The following CWC27 variants were observed in gnomAD, a reference collection of about 807,000 sequenced individuals.
CWC27 encodes CWC27 spliceosome associated cyclophilin.
CWC27 carries 47 observed loss-of-function variants against 63.6 expected under a neutral mutation model. That is an observed-to-expected ratio of 0.74 (90% CI 0.58 to 0.94). CWC27 has a LOEUF of 0.94. CWC27 is among the 40% of genes least tolerant of loss of function. The pLI, the probability that CWC27 is intolerant of heterozygous loss-of-function variation, is 0.00. For missense variants in CWC27, 495 were observed against 554.3 expected, an observed-to-expected ratio of 0.89 and a Z score of 1.07; for synonymous variants, 175 against 179.8, an observed-to-expected ratio of 0.97 and a Z score of 0.22.
intron 7 of CWC27, among the ~76,000 whole-genome samples, chr5:64,792,378 T>A (rs1455915665): frequency 6.6e-6 from 1 of 152,156 alleles, no homozygotes; most frequent in Non-Finnish European, 1.5e-5. Flanking sequence ...GATTTGCTGC[T>A]CTATATGTAT....
intron 10 of CWC27, among the ~76,000 whole-genome samples, chr5:64,811,022 C>G (rs982455246): frequency 3.9e-4 from 59 of 151,996 alleles, no homozygotes; most frequent in African/African-American, 1.3e-3. Context: ...AAATCAGTAT[C>G]TCTCAACCTT....
chr5:64,844,893 G>A, intron 10 of CWC27: 2 of 456,686 alleles, frequency 4.4e-6, no homozygotes, highest in South Asian at 3.1e-5. Flanking sequence ...TTTCTAAGGG[G>A]TACAGCTTCT....
In CWC27 at chr5:64,783,936, G is replaced by A. The variant is rs199984122; in HGVS notation, c.353G>A (p.Gly118Asp). 2 of 1,602,218 alleles carry A rather than the reference G, an allele frequency of 1.2e-6. No homozygotes were observed. Among genetic ancestry groups the A allele is most frequent in the Admixed American group, 3.4e-5 (2 of 58,218 alleles). Residue 118 changes from glycine to aspartate, a missense_variant, in exon 4 of 14, where the codon GGT (glycine) becomes GAT (aspartate). Coordinates refer to ENST00000381070, the MANE Select transcript of CWC27 (RefSeq NM_005869.4). ...GGCAGCCAGTTTTTCTTCACACTGGGTCGAGCAGATGAACTTAACAATAAG... is the reference window on the plus strand; with the variant it reads ...GGCAGCCAGTTTTTCTTCACACTGGATCGAGCAGATGAACTTAACAATAAG... ...DNGSQFFFTL[G>D]RADELNNKHT...
intron 10 of CWC27, among the ~76,000 whole-genome samples, chr5:64,831,525 G>GACAGACAC (rs1342786503): frequency 6.6e-5 from 10 of 150,486 alleles, no homozygotes; most frequent in African/African-American, 2.5e-4. Flanking sequence ...CAGACACATA[G>GACAGACAC]ATAGATATGG....
chr5:64,933,317 T>G (rs1748276441), intron 11 of CWC27, among the ~76,000 whole-genome samples: 1 of 152,160 alleles, frequency 6.6e-6, no homozygotes, highest in Non-Finnish European at 1.5e-5. Context: ...TCCACACTAT[T>G]CAATCCAGAA....
At chr5:64,994,322 G>A (rs937330601) in intron 13 of CWC27, among the ~76,000 whole-genome samples, 3 of 151,656 alleles carry the variant, frequency 2.0e-5, no homozygotes, top group Non-Finnish European at 4.4e-5. Flanking sequence ...TCTTTTGATG[G>A]TTATATAATA....
chr5:64,783,575 C>A (rs1353099272), intron 3 of CWC27, among the ~76,000 whole-genome samples: 1 of 152,120 alleles, frequency 6.6e-6, no homozygotes, highest in Non-Finnish European at 1.5e-5. Flanking sequence ...ATCCATTCCC[C>A]CTTGGGTACT....
rs370449664 is a variant in CWC27 at position 64,955,603 on chromosome 5, A to T, written c.1043-16100A>T. On this transcript the variant is annotated intron_variant, in intron 11 of 13. Transcript: ENST00000381070. The stretch of plus-strand genomic sequence containing the variant: ...AGAAAGCCCATTTGGACACAAGTAG[A>T]CTTCAAATGGAGCATAGTTGGATGA... Among the ~76,000 whole-genome samples, 5 of 152,236 alleles carry T rather than the reference A, an allele frequency of 3.3e-5. No homozygotes were observed. In the South Asian group the frequency reaches 1.0e-3, roughly 32 times the overall value.
intron 11 of CWC27, among the ~76,000 whole-genome samples, chr5:64,943,784 A>G (rs1448840212): frequency 1.3e-5 from 2 of 152,186 alleles, no homozygotes; most frequent in Non-Finnish European, 2.9e-5. Flanking sequence ...GGAAGGAAAA[A>G]TTAGAAGCAA....
At chr5:64,891,771 T>TTTGTTGTTG (rs56101875) in intron 11 of CWC27, among the ~76,000 whole-genome samples, 27,323 of 147,578 alleles carry the variant, frequency 0.19, 2,770 homozygotes, top group Non-Finnish European at 0.23. Context: ...CTTGGGATAC[T>TTTGTTGTTG]TTGTTGTTGT....
intron 11 of CWC27, among the ~76,000 whole-genome samples, chr5:64,890,048 A>C (rs1002070977): frequency 2.0e-5 from 3 of 152,190 alleles, no homozygotes; most frequent in African/African-American, 7.2e-5. Context: ...CAAACTGAAC[A>C]TAGTCACATA....
intron 13 of CWC27, among the ~76,000 whole-genome samples, chr5:64,989,299 T>C (rs184387332): frequency 2.2e-4 from 34 of 152,356 alleles, no homozygotes; most frequent in African/African-American, 7.5e-4. Context: ...TAGTGAGTTG[T>C]CTCAAACTGG....
intron 13 of CWC27, among the ~76,000 whole-genome samples, chr5:64,990,616 T>G (rs1482060904): frequency 2.0e-5 from 3 of 152,232 alleles, no homozygotes; most frequent in Non-Finnish European, 4.4e-5. Flanking sequence ...TTTCTCTAAT[T>G]TCCAGTATAG....
At chr5:64,833,053 A>G (rs983930956) in intron 10 of CWC27, among the ~76,000 whole-genome samples, 4 of 151,854 alleles carry the variant, frequency 2.6e-5, no homozygotes, top group African/African-American at 9.7e-5. Flanking sequence ...TAATAGTATT[A>G]CATTATAGGA....
At chr5:64,928,120 A>C (rs1211625947) in intron 11 of CWC27, among the ~76,000 whole-genome samples, 1 of 151,770 alleles carries the variant, frequency 6.6e-6, no homozygotes, top group Non-Finnish European at 1.5e-5. Flanking sequence ...GCGCCATTGC[A>C]CTTCAGCCTG....
intron 13 of CWC27, among the ~76,000 whole-genome samples, chr5:64,978,879 G>A (rs1749280246): frequency 6.6e-6 from 1 of 151,904 alleles, no homozygotes; most frequent in Admixed American, 6.6e-5. Context: ...TTATTGAACA[G>A]GAAAGTCACC....
intron 10 of CWC27, among the ~76,000 whole-genome samples, chr5:64,842,844 G>A (rs1238360585): frequency 6.6e-6 from 1 of 150,758 alleles, no homozygotes; most frequent in African/African-American, 2.4e-5. Flanking sequence ...CAAGCAATCC[G>A]CCCACCCTCA....
chr5:64,933,977 TA>T (rs1748293157), intron 11 of CWC27, among the ~76,000 whole-genome samples: 1 of 152,240 alleles, frequency 6.6e-6, no homozygotes, highest in Non-Finnish European at 1.5e-5. Context: ...TCATAGCTGT[TA>T]TTTTTTCCCA....
At chr5:64,918,277 G>C (rs1475344442) in intron 11 of CWC27, among the ~76,000 whole-genome samples, 1 of 152,186 alleles carries the variant, frequency 6.6e-6, no homozygotes, top group Non-Finnish European at 1.5e-5. Context: ...GGCTAGGCAG[G>C]AAGGCAGATT....
Sources: allele counts gnomAD v4.1 joint callset (sites outside exome capture counted in the v4.1 genomes callset), GRCh38; gene constraint gnomAD v4.1.1; transcripts MANE v1.5; gene names NCBI Gene and HGNC (gene_info 2026-07-23, HGNC 2026-07-21).